EPB41L3: variants seen among roughly 807,000 people sequenced by gnomAD.
EPB41L3 encodes erythrocyte membrane protein band 4.1 like 3.
EPB41L3 carries 57 observed loss-of-function variants against 127.1 expected under a neutral mutation model. The observed-to-expected ratio is 0.45, with a 90% CI of 0.36 to 0.56. EPB41L3 has a LOEUF of 0.56. Among genes scored for constraint, EPB41L3 ranks in the 20% least tolerant of loss-of-function variants. EPB41L3 has a pLI of 0.00. For missense variants in EPB41L3, 1,273 were observed against 1,372.2 expected (o/e 0.93, Z 1.14); for synonymous variants, 572 against 549.5 (o/e 1.04, Z -0.57).
At chr18:5,582,900 G>A (rs1054388071) in intron 3 of EPB41L3, among the ~76,000 whole-genome samples, 5 of 152,224 alleles carry the variant, frequency 3.3e-5, no homozygotes, top group African/African-American at 4.8e-5. Context: ...ATGCCCGGGA[G>A]TGGGGGCAGC....
intron 3 of EPB41L3, among the ~76,000 whole-genome samples, chr18:5,595,557 A>C (rs905677576): frequency 2.0e-5 from 3 of 152,166 alleles, no homozygotes; most frequent in African/African-American, 7.2e-5. Flanking sequence ...TCCTGGCAGA[A>C]GGAATCTGTT....
At chr18:5,560,808 C>T (rs767898396) in intron 3 of EPB41L3, among the ~76,000 whole-genome samples, 1 of 152,028 alleles carries the variant, frequency 6.6e-6, no homozygotes, top group African/African-American at 2.4e-5. Context: ...GACTTACTAC[C>T]CTCTGTGGCT....
upstream of EPB41L3, chr18:5,630,304 C>T: frequency 2.0e-6 from 1 of 507,434 alleles, no homozygotes; most frequent in Non-Finnish European, 3.9e-6. Context: ...CGGCCCGCAC[C>T]CGCGCCCCTG....
intron 2 of EPB41L3, among the ~76,000 whole-genome samples, chr18:5,482,257 C>T (rs1023382111): frequency 6.6e-6 from 1 of 152,002 alleles, no homozygotes; most frequent in East Asian, 1.9e-4. Context: ...GTAGAATGAA[C>T]AAAGCACAGG....
At chr18:5,441,358 A>G (rs895394562) in intron 5 of EPB41L3, among the ~76,000 whole-genome samples, 3 of 152,216 alleles carry the variant, frequency 2.0e-5, no homozygotes. Flanking sequence ...TACATTAGAT[A>G]AGGTAATACT....
intron 3 of EPB41L3, among the ~76,000 whole-genome samples, chr18:5,605,625 A>T (rs2094642305): frequency 6.6e-6 from 1 of 151,896 alleles, no homozygotes; most frequent in Non-Finnish European, 1.5e-5. Flanking sequence ...AGGTCTTTCT[A>T]TGTTGCCCAG....
At chr18:5,438,141 C>T (rs1455720407) in intron 5 of EPB41L3, 31 bp from the exon 6 acceptor site, 4 of 1,601,646 alleles carry the variant, frequency 2.5e-6, no homozygotes, top group Non-Finnish European at 3.4e-6. Context: ...TAGAGTAAAA[C>T]CTTGAGAAAT....
chr18:5,495,520 G>A (rs1316318372), intron 1 of EPB41L3, among the ~76,000 whole-genome samples: 1 of 152,008 alleles, frequency 6.6e-6, no homozygotes, highest in East Asian at 1.9e-4. Context: ...TGCCCAGGGT[G>A]TTGAGAACAC....
intron 13 of EPB41L3, among the ~76,000 whole-genome samples, chr18:5,412,222 GGGTCTC>G (rs1351642867): frequency 2.0e-5 from 3 of 151,934 alleles, no homozygotes. Context: ...TTTTTAGACA[GGGTCTC>G]GCTCTGTCAC....
chr18:5,452,619 T>C (rs1372079816), intron 3 of EPB41L3, among the ~76,000 whole-genome samples: 2 of 152,148 alleles, frequency 1.3e-5, no homozygotes, highest in Non-Finnish European at 2.9e-5. Context: ...ACACATTTTC[T>C]TGAAAAATAA....
At chr18:5,549,095 G>C (rs767310574), upstream of EPB41L3, among the ~76,000 whole-genome samples, 1 of 152,216 alleles carries the variant, frequency 6.6e-6, no homozygotes, top group African/African-American at 2.4e-5. Context: ...TTATTAACTT[G>C]TTAATGCTAT....
At chr18:5,531,751 A>AAT (rs1491030074) in intron 1 of EPB41L3, among the ~76,000 whole-genome samples, 10 of 151,042 alleles carry the variant, frequency 6.6e-5, no homozygotes, top group Non-Finnish European at 1.3e-4. Flanking sequence ...AAAAAAAAAA[A>AAT]AGGAAGAAAG....
At chr18:5,628,332 C>A (rs1050929088) in intron 1 of EPB41L3, among the ~76,000 whole-genome samples, 3 of 152,240 alleles carry the variant, frequency 2.0e-5, no homozygotes, top group Admixed American at 1.3e-4. Context: ...CTCTCGCGGC[C>A]CAGTCTTAAT....
upstream of EPB41L3, among the ~76,000 whole-genome samples, chr18:5,629,996 G>A (rs897697520): frequency 6.6e-6 from 1 of 152,202 alleles, no homozygotes; most frequent in Admixed American, 6.5e-5. Context: ...TGGGCTCCGA[G>A]GAACCGAAGA....
chr18:5,397,944 C>G lies in EPB41L3; in HGVS notation c.2472+77G>C. 6.3e-7 allele frequency: 1 copy of G among 1,581,500 alleles called. No individual in the cohort carries two copies. The highest frequency in any genetic ancestry group is 1.7e-5 in the Admixed American group (1 of 58,484). Reference sequence around the variant, plus strand: ...GCAAAGCCAGCTGGATGCAACCACACACTCACGCCCAAAAAAAGGGTAAGG... The same window carrying G: ...GCAAAGCCAGCTGGATGCAACCACAGACTCACGCCCAAAAAAAGGGTAAGG... On this transcript the variant is annotated intron_variant, in intron 17 of 22. Coordinates refer to ENST00000341928, the MANE Select transcript of EPB41L3 (RefSeq NM_012307.5). This position sits in a 1 kb window ranked among gnomAD's most constrained non-coding sequence, Gnocchi z 4.1.
intron 5 of EPB41L3, among the ~76,000 whole-genome samples, chr18:5,439,137 G>C (rs575160182): frequency 1.3e-4 from 19 of 151,954 alleles, no homozygotes; most frequent in African/African-American, 3.4e-4. Context: ...TAGAGCCTAG[G>C]TCCTGCTTGT....
At chr18:5,513,740 A>G (rs994705174) in intron 1 of EPB41L3, among the ~76,000 whole-genome samples, 7 of 152,242 alleles carry the variant, frequency 4.6e-5, no homozygotes, top group African/African-American at 1.7e-4. Context: ...AGGATTTAGT[A>G]AGAAAATTCA....
chr18:5,527,989 A>T (rs1719956), intron 1 of EPB41L3, among the ~76,000 whole-genome samples: 31,409 of 152,080 alleles, frequency 0.21, 3,441 homozygotes, highest in African/African-American at 0.27. Flanking sequence ...ATACTATTTT[A>T]AAAAATATAA....
chr18:5,573,793 T>A (rs979817453), intron 3 of EPB41L3, among the ~76,000 whole-genome samples: 1 of 152,078 alleles, frequency 6.6e-6, no homozygotes, highest in African/African-American at 2.4e-5. Flanking sequence ...TAAGAAAAAA[T>A]TAACTACTTA....
Sources: allele counts gnomAD v4.1 joint callset (sites outside exome capture counted in the v4.1 genomes callset), GRCh38; gene constraint gnomAD v4.1.1; non-coding constraint Gnocchi (gnomAD v3.1); transcripts MANE v1.5; gene names NCBI Gene and HGNC (gene_info 2026-07-23, HGNC 2026-07-21).